Variants in HEXB observed in about 807,000 individuals in gnomAD.
HEXB encodes the protein beta-hexosaminidase subunit beta.
Under a neutral mutation model 71.2 loss-of-function variants are expected in HEXB, and 51 were observed. The observed-to-expected ratio is 0.72, with a 90% CI of 0.57 to 0.90. HEXB has a LOEUF of 0.90. Among genes scored for constraint, HEXB ranks in the 40% least tolerant of loss-of-function variants. HEXB has a pLI of 0.00. For synonymous variants in HEXB, 266 were observed against 249.3 expected (o/e 1.07, Z -0.63); for missense variants, 617 against 677.0 (o/e 0.91, Z 0.98).
intron 6 of HEXB, 169 bp downstream of exon 6, chr5:74,705,489 T>C (rs532196791): frequency 1.3e-5 from 8 of 614,034 alleles, no homozygotes; most frequent in African/African-American, 9.2e-5. Flanking sequence ...CATAAAACTT[T>C]TTTTGTTATT....
chr5:74,658,060 G>A (rs1580362570), intron 1 of HEXB, among the ~76,000 whole-genome samples: 1 of 152,112 alleles, frequency 6.6e-6, no homozygotes, highest in Non-Finnish European at 1.5e-5. Context: ...AATCCCTAGG[G>A]TACTGGCATC....
intron 1 of HEXB, among the ~76,000 whole-genome samples, chr5:74,655,778 TA>T (rs1748207341): frequency 6.6e-6 from 1 of 152,232 alleles, no homozygotes; most frequent in African/African-American, 2.4e-5. Context: ...AATATCTTTT[TA>T]TCCTCAAAAA....
intron 1 of HEXB, among the ~76,000 whole-genome samples, chr5:74,650,202 C>T (rs1057341657): frequency 2.0e-5 from 3 of 152,194 alleles, no homozygotes; most frequent in Admixed American, 1.3e-4. Context: ...GGAACCTCCT[C>T]GAGCATGTTA....
chr5:74,665,117 T>A (rs1748409852), intron 1 of HEXB, among the ~76,000 whole-genome samples: 1 of 152,128 alleles, frequency 6.6e-6, no homozygotes, highest in South Asian at 2.1e-4. Context: ...ATTTAAAATG[T>A]CCCCAAATAA....
chr5:74,668,521 G>C (rs1052947159), intron 1 of HEXB, among the ~76,000 whole-genome samples: 1 of 152,124 alleles, frequency 6.6e-6, no homozygotes, highest in Non-Finnish European at 1.5e-5. Context: ...TCCTAGTAGT[G>C]CCTCTCTGAG....
At position 74,716,589 on chromosome 5, in the gene HEXB, A is replaced by G; in HGVS notation, c.1085A>G (p.Glu362Gly). 1 of 1,598,234 alleles carries G rather than the reference A, an allele frequency of 6.3e-7. No individual in the cohort carries two copies. ...ATTTTAATCACTTTTTGCTTCAGGG[A>G]ATCAAATCCAAAAATTCAAGATTTC... ...GGDEVEFKCW[E>G]SNPKIQDFMR... is the part of the protein sequence containing the mutation. Residue 362 changes from glutamate (E) to glycine (G), a missense_variant and splice_region_variant, in exon 9 of 14, where the codon GAA (glutamate) becomes GGA (glycine). Physicochemically the swap from Glu to Gly is moderately conservative, Grantham distance 98. Transcript: ENST00000261416.
chr5:74,677,389 A>G (rs1283244174), intron 1 of HEXB, among the ~76,000 whole-genome samples: 1 of 152,126 alleles, frequency 6.6e-6, no homozygotes. Flanking sequence ...CTGGTGGTAA[A>G]GGAGAAATAT....
chr5:74,656,688 T>C (rs1199370190), intron 1 of HEXB, among the ~76,000 whole-genome samples: 2 of 152,080 alleles, frequency 1.3e-5, no homozygotes, highest in African/African-American at 4.8e-5. Context: ...CACTGCAACT[T>C]CCACCTCCTG....
At chr5:74,705,757 A>G (rs73114766) in intron 6 of HEXB, 4,657 of 244,118 alleles carry the variant, frequency 0.019, 236 homozygotes, top group African/African-American at 0.1. Flanking sequence ...AAATAATGGT[A>G]GTCTCAGTTA....
chr5:74,649,193 C>T (rs527504668), intron 1 of HEXB, among the ~76,000 whole-genome samples: 2 of 152,158 alleles, frequency 1.3e-5, no homozygotes, highest in South Asian at 4.1e-4. Flanking sequence ...ATGCCGTGAG[C>T]TCCTGTGTTC....
intron 1 of HEXB, among the ~76,000 whole-genome samples, chr5:74,650,804 T>C (rs1748089809): frequency 6.6e-6 from 1 of 151,378 alleles, no homozygotes; most frequent in Non-Finnish European, 1.5e-5. Context: ...TGGGCACCTG[T>C]AGTCCCAGCT....
chr5:74,718,570 C>A (rs1749732386), intron 10 of HEXB, among the ~76,000 whole-genome samples: 1 of 152,058 alleles, frequency 6.6e-6, no homozygotes, highest in Non-Finnish European at 1.5e-5. Flanking sequence ...TATGTGGTAT[C>A]CATATATAAG....
intron 1 of HEXB, among the ~76,000 whole-genome samples, chr5:74,660,175 C>A (rs570843618): frequency 6.6e-6 from 1 of 152,326 alleles, no homozygotes; most frequent in East Asian, 1.9e-4. Flanking sequence ...ATCTCATGCC[C>A]AACAGCCATT....
chr5:74,706,241 A>G (rs1332669859), intron 6 of HEXB: 2 of 152,248 alleles, frequency 1.3e-5, no homozygotes, highest in African/African-American at 4.8e-5. Context: ...AAAAATAACC[A>G]TAATACATGA....
chr5:74,699,179 A>G (rs941372122), intron 5 of HEXB, among the ~76,000 whole-genome samples: 8 of 152,096 alleles, frequency 5.3e-5, no homozygotes, highest in Non-Finnish European at 1.2e-4. Context: ...GCAAGACTCC[A>G]TCTCAAAACA....
intron 1 of HEXB, among the ~76,000 whole-genome samples, chr5:74,659,820 A>G (rs1034445197): frequency 6.6e-5 from 10 of 152,254 alleles, no homozygotes; most frequent in Non-Finnish European, 1.3e-4. Flanking sequence ...ATGAGAATAA[A>G]TGAAATTTAA....
At chr5:74,659,305 T>G (rs1003359974) in intron 1 of HEXB, among the ~76,000 whole-genome samples, 3 of 152,186 alleles carry the variant, frequency 2.0e-5, no homozygotes, top group Admixed American at 2.0e-4. Context: ...GATTTCTTAG[T>G]CTGCCCAATA....
At chr5:74,720,132 A>G (rs1411604247) in intron 11 of HEXB, 2 of 382,758 alleles carry the variant, frequency 5.2e-6, no homozygotes, top group Admixed American at 7.6e-5. Context: ...AAGTTTGCAT[A>G]AAACCAAAAT....
intron 5 of HEXB, among the ~76,000 whole-genome samples, chr5:74,701,128 C>T (rs1457285299): frequency 6.6e-6 from 1 of 151,842 alleles, no homozygotes; most frequent in East Asian, 1.9e-4. Context: ...GGCGATCCAC[C>T]TGCCTTGGCC....
Sources: gnomAD v4.1 joint callset for allele counts (sites outside exome capture counted in the v4.1 genomes callset) on GRCh38, gnomAD v4.1.1 for gene constraint, MANE v1.5 for transcripts, NCBI Gene and HGNC (gene_info 2026-07-23, HGNC 2026-07-21) for gene names.